The following KLRD1 variants were observed in gnomAD, a reference collection of about 807,000 sequenced individuals.
KLRD1 encodes natural killer cells antigen CD94.
KLRD1 carries 21 observed loss-of-function variants against 22.6 expected under a neutral mutation model. The ratio of observed to expected loss-of-function variants is 0.93; its 90% CI spans 0.66 to 1.34. KLRD1 has a LOEUF of 1.34. KLRD1 is among the 40% of genes most tolerant of loss of function. KLRD1 has a pLI of 0.00. For missense variants in KLRD1, 183 were observed against 208.6 expected (o/e 0.88, Z 0.76); for synonymous variants, 59 against 71.1 (o/e 0.83, Z 0.85).
rs367614541 is a variant in KLRD1 at position 10,311,550 on chromosome 12, G to C, written c.250G>C (p.Glu84Gln). 2 of 1,613,986 alleles carry C rather than the reference G, an allele frequency of 1.2e-6. No homozygotes were observed. Among genetic ancestry groups the C allele is most frequent in the African/African-American group, 1.3e-5 (1 of 74,936 alleles). The change falls in exon 4 of 6, where the codon GAA becomes CAA. Residue 84 changes from glutamate to glutamine, a missense_variant. Transcript: ENST00000336164. Reference sequence around the variant, plus strand: ...TTCCAGTGAACAGAAAACTTGGAACGAAAGTCGGCATCTCTGTGCTTCTCA... The same window carrying C: ...TTCCAGTGAACAGAAAACTTGGAACCAAAGTCGGCATCTCTGTGCTTCTCA... The part of the protein sequence containing the change: ...FISSEQKTWN[E>Q]SRHLCASQKS...
In KLRD1 at chr12:10,328,418, T is replaced by C. The variant is rs964485812; in HGVS notation, c.*13625T>C. ...TGTCTTTGTGAATTTTTTCATTTCTTCTAGGTTATCCAATTTGTTGGCCTA... is the reference window on the plus strand; with the variant it reads ...TGTCTTTGTGAATTTTTTCATTTCTCCTAGGTTATCCAATTTGTTGGCCTA... On this transcript the variant is annotated 3_prime_UTR_variant, in exon 6 of 6. Coordinates refer to ENST00000336164, the MANE Select transcript of KLRD1 (RefSeq NM_002262.5). The C allele has an allele frequency of 6.6e-6, 1 of 152,146 alleles. No individual in the cohort carries two copies. Among genetic ancestry groups the C allele is most frequent in the African/African-American group, 2.4e-5 (1 of 41,452 alleles). The allele number at this position is 152,146 out of a possible 1,614,324, so 9.4% of individuals were successfully genotyped here.
At chr12:10,246,299 A>G (rs1949290308) in intron 1 of KLRD1, among the ~76,000 whole-genome samples, 1 of 152,100 alleles carries the variant, frequency 6.6e-6, no homozygotes, top group Admixed American at 6.6e-5. Flanking sequence ...TGTGTATTAT[A>G]TACTAGTGAA....
intron 4 of KLRD1, 67 bp from the exon 5 acceptor site, chr12:10,313,343 C>G (rs1397046615): frequency 1.1e-6 from 1 of 895,462 alleles, no homozygotes; most frequent in Non-Finnish European, 1.7e-6. Context: ...CTGACTTTCC[C>G]TCAAAATATG....
intron 1 of KLRD1, among the ~76,000 whole-genome samples, chr12:10,291,897 G>A (rs753450425): frequency 2.6e-5 from 4 of 151,990 alleles, no homozygotes; most frequent in Non-Finnish European, 5.9e-5. Flanking sequence ...GTGGTGTTTG[G>A]TTTTCTGTTC....
chr12:10,239,238 A>G (rs991856166), intron 1 of KLRD1, among the ~76,000 whole-genome samples: 4 of 152,254 alleles, frequency 2.6e-5, no homozygotes, highest in African/African-American at 9.6e-5. Context: ...AAGTAAGAGA[A>G]TCTATTATAT....
intron 1 of KLRD1, among the ~76,000 whole-genome samples, chr12:10,278,226 G>T (rs772595591): frequency 1.3e-5 from 2 of 152,132 alleles, no homozygotes; most frequent in Non-Finnish European, 2.9e-5. Flanking sequence ...CTCACTCTGT[G>T]TGCGCTTTCC....
chr12:10,248,587 C>CCT (rs1565447008), intron 1 of KLRD1, among the ~76,000 whole-genome samples: 1 of 53,322 alleles, frequency 1.9e-5, no homozygotes, highest in African/African-American at 5.1e-5. Context: ...CCTTCCTTCC[C>CCT]TTCTTTTCTT....
At chr12:10,244,778 C>T (rs145289038) in intron 1 of KLRD1, among the ~76,000 whole-genome samples, 2,338 of 146,584 alleles carry the variant, frequency 0.016, 59 homozygotes, top group African/African-American at 0.053. Context: ...AGCGAAACTC[C>T]GTCTCAAAAA....
At chr12:10,279,275 T>C (rs987937986) in intron 1 of KLRD1, among the ~76,000 whole-genome samples, 2 of 152,190 alleles carry the variant, frequency 1.3e-5, no homozygotes, top group Non-Finnish European at 1.5e-5. Flanking sequence ...GTTAGTTTGC[T>C]TAGGATAATG....
At chr12:10,258,282 C>A (rs944708022) in intron 1 of KLRD1, among the ~76,000 whole-genome samples, 6 of 152,098 alleles carry the variant, frequency 3.9e-5, no homozygotes, top group African/African-American at 1.4e-4. Context: ...GTTTCAGTGG[C>A]ACCATGCACT....
upstream of KLRD1, among the ~76,000 whole-genome samples, chr12:10,303,042 G>A (rs1949880614): frequency 6.6e-6 from 1 of 152,160 alleles, no homozygotes; most frequent in South Asian, 2.1e-4. Context: ...TCCTCCCAAA[G>A]TTAGCTTGGC....
intron 1 of KLRD1, among the ~76,000 whole-genome samples, chr12:10,245,422 A>G (rs898059395): frequency 2.0e-5 from 3 of 152,356 alleles, no homozygotes; most frequent in South Asian, 2.1e-4. Context: ...CTAGCTAGCA[A>G]TTGGAACAAC....
chr12:10,247,075 G>A (rs900652264), intron 1 of KLRD1, among the ~76,000 whole-genome samples: 3 of 151,852 alleles, frequency 2.0e-5, no homozygotes, highest in Non-Finnish European at 4.4e-5. Flanking sequence ...TTGGATTACA[G>A]ATGTGCACTG....
chr12:10,314,939 G>A lies in KLRD1; in HGVS notation c.*146G>A, dbSNP rs1157314488. 3.2e-6 allele frequency: 2 copies of A among 616,706 alleles called. No individual in the cohort carries two copies. Among genetic ancestry groups the A allele is most frequent in the Non-Finnish European group, 5.3e-6 (2 of 377,948 alleles). 38.2% of individuals were successfully genotyped at this position (616,706 alleles called of 1,614,324 possible). A position where few individuals can be genotyped will look rare whatever the true frequency, so the allele number is the denominator to read the frequency against. Reference sequence around the variant, plus strand: ...TGTCATATACAATTGTCATGTATGTGAAACAATGTGTTTTAAAATTGATGA... The same window carrying A: ...TGTCATATACAATTGTCATGTATGTAAAACAATGTGTTTTAAAATTGATGA... On this transcript the variant is annotated 3_prime_UTR_variant, in exon 6 of 6. Coordinates refer to ENST00000336164, the MANE Select transcript of KLRD1 (RefSeq NM_002262.5).
intron 1 of KLRD1, among the ~76,000 whole-genome samples, chr12:10,260,964 C>A (rs10845095): frequency 2.1e-4 from 5 of 23,996 alleles, no homozygotes; most frequent in Non-Finnish European, 1.5e-3. Context: ...CAACAAAAAA[C>A]CAAAAAAAAA....
Position 10,323,008 on chromosome 12 carries a change from CTT to C in KLRD1, c.*8218_*8219del, listed in dbSNP as rs2137750345. On this transcript the variant is annotated 3_prime_UTR_variant, in exon 6 of 6. Transcript: ENST00000336164. The stretch of plus-strand genomic sequence containing the variant: ...ATATTCGTGCAGCAGTAGCTCCTCA[CTT>C]TTATTGTCATGTAGAATTCATAAGA... 1 of 152,348 alleles carries C rather than the reference CTT, an allele frequency of 6.6e-6. No homozygotes were observed. Among genetic ancestry groups the C allele is most frequent in the South Asian group, 2.1e-4 (1 of 4,832 alleles). The allele number at this position is 152,348 out of a possible 1,614,324, so 9.4% of individuals were successfully genotyped here.
At chr12:10,304,553 T>G (rs1414578556), upstream of KLRD1, 5 of 152,156 alleles carry the variant, frequency 3.3e-5, no homozygotes, top group Non-Finnish European at 7.3e-5. Flanking sequence ...TACAGGTGAG[T>G]GCCACCATGC....
In KLRD1 at chr12:10,273,825, A is replaced by G. The variant is rs374928670; in HGVS notation, c.-100-34153A>G. 7.9e-5 allele frequency among the ~76,000 whole-genome samples: 12 copies of G among 152,320 alleles called. No homozygotes were observed. In the East Asian group the frequency reaches 2.1e-3, roughly 27 times the overall value. On this transcript the variant is annotated intron_variant, in intron 1 of 5. Coordinates refer to the KLRD1 transcript ENST00000544747. The stretch of plus-strand genomic sequence containing the variant: ...AAAATACGTACATTCAAAAGAAGTT[A>G]TAAGGGTGGGTGGAGTGGGGGAGAG...
At chr12:10,268,925 G>A (rs1949524507) in intron 1 of KLRD1, among the ~76,000 whole-genome samples, 2 of 152,132 alleles carry the variant, frequency 1.3e-5, no homozygotes, top group African/African-American at 4.8e-5. Context: ...CATTATAACA[G>A]TGATGTATTA....
Sources: allele counts gnomAD v4.1 joint callset (sites outside exome capture counted in the v4.1 genomes callset), GRCh38; gene constraint gnomAD v4.1.1; transcripts MANE v1.5; gene names NCBI Gene and HGNC (gene_info 2026-07-23, HGNC 2026-07-21).